The following DMD variants were observed in gnomAD, a reference collection of about 807,000 sequenced individuals.
DMD encodes the protein mutant dystrophin.
DMD carries 63 observed loss-of-function variants against 330.1 expected under a neutral mutation model. The ratio of observed to expected loss-of-function variants is 0.19; its 90% CI spans 0.16 to 0.24. DMD has a LOEUF of 0.24. DMD is among the 10% of genes least tolerant of loss of function. The pLI is 1.00. For synonymous variants in DMD, 1,223 were observed against 959.8 expected (o/e 1.27, Z -5.07); for missense variants, 3,344 against 2,684.1 (o/e 1.25, Z -5.43).
chrX:32,410,677 T>A (rs2098137994), intron 30 of DMD, among the ~76,000 whole-genome samples: 1 of 111,772 alleles, frequency 8.9e-6, no homozygotes, highest in Non-Finnish European at 1.9e-5. Context: ...TATATAAGAT[T>A]TGAAAAGCAG....
intron 48 of DMD, among the ~76,000 whole-genome samples, chrX:31,853,585 G>A (rs1358365518): frequency 9.0e-6 from 1 of 111,264 alleles, no homozygotes; most frequent in African/African-American, 3.3e-5. Context: ...GTGAGTAAAG[G>A]GTTAAAAACA....
At chrX:32,846,551 A>G (rs752985330) in intron 3 of DMD, among the ~76,000 whole-genome samples, 1 of 110,307 alleles carries the variant, frequency 9.1e-6, no homozygotes, top group South Asian at 3.9e-4. Flanking sequence ...ATAACACAGT[A>G]TTGACATCTT....
intron 62 of DMD, among the ~76,000 whole-genome samples, chrX:31,271,575 G>A (rs1028410511): frequency 9.0e-6 from 1 of 111,530 alleles, no homozygotes; most frequent in Non-Finnish European, 1.9e-5. Context: ...GGATGGTCCC[G>A]AGAGACTTCA....
At chrX:31,725,914 T>C (rs2086005627) in intron 52 of DMD, among the ~76,000 whole-genome samples, 1 of 112,544 alleles carries the variant, frequency 8.9e-6, no homozygotes, top group South Asian at 3.7e-4. Context: ...CCTTGCAGTA[T>C]TAACAGACAC....
intron 52 of DMD, among the ~76,000 whole-genome samples, chrX:31,710,133 T>C (rs1308694610): frequency 8.9e-6 from 1 of 111,853 alleles, no homozygotes; most frequent in Non-Finnish European, 1.9e-5. Context: ...CCAGTAATAC[T>C]AGAAATCTTT....
chrX:33,319,876 T>C (rs2053989711), intron 1 of DMD, among the ~76,000 whole-genome samples: 1 of 111,790 alleles, frequency 8.9e-6, no homozygotes, highest in Non-Finnish European at 1.9e-5. Context: ...TGTGGTGAAA[T>C]AGACTCTCCA....
intron 9 of DMD, among the ~76,000 whole-genome samples, chrX:32,681,707 A>G (rs983819841): frequency 1.8e-5 from 2 of 112,089 alleles, no homozygotes; most frequent in Non-Finnish European, 3.8e-5. Flanking sequence ...TTATGTACCT[A>G]GTATATATTC....
In DMD at chrX:32,452,333, G is replaced by T. The variant is rs189721633; in HGVS notation, c.3603+2329C>A. Among the ~76,000 whole-genome samples, 46 of 16,450 alleles carry T rather than the reference G, an allele frequency of 2.8e-3. 4 individuals carry two copies. The East Asian group carries it at 0.2, about 72-fold the overall frequency. 14.3% of individuals were successfully genotyped at this position (16,450 alleles called of 115,157 possible). ...AGTGAAAGTGAAAGTGAAAGTGAAA[G>T]TGAAAGGGAAAGGGAAAGGGAAAGG... On this transcript the variant is annotated intron_variant, in intron 26 of 78. Transcript: ENST00000357033.
chrX:33,122,252 A>G (rs1352331785), intron 1 of DMD, among the ~76,000 whole-genome samples: 1 of 112,348 alleles, frequency 8.9e-6, no homozygotes, highest in Non-Finnish European at 1.9e-5. Flanking sequence ...CAAACAAAAA[A>G]CAAAAAACAA....
chrX:31,171,221 A>T (rs1448995014), intron 73 of DMD, among the ~76,000 whole-genome samples: 2 of 112,111 alleles, frequency 1.8e-5, no homozygotes, highest in Non-Finnish European at 3.8e-5. Context: ...TGAAGGAAGT[A>T]AGTCATATAC....
At chrX:32,747,161 A>G (rs754731790) in intron 7 of DMD, among the ~76,000 whole-genome samples, 5 of 112,355 alleles carry the variant, frequency 4.5e-5, no homozygotes, top group Non-Finnish European at 9.4e-5. Context: ...GCCTCCAGAA[A>G]ATTCTGATGT....
At chrX:32,141,678 AAC>A (rs56858722) in intron 44 of DMD, among the ~76,000 whole-genome samples, 20,983 of 87,760 alleles carry the variant, frequency 0.24, 2,204 homozygotes, top group East Asian at 0.47. Flanking sequence ...TATAGAGTGC[AAC>A]ACACACACAC....
At chrX:32,866,723 TTG>T (rs2082511145) in intron 2 of DMD, among the ~76,000 whole-genome samples, 2 of 8,993 alleles carry the variant, frequency 2.2e-4, no homozygotes, top group Non-Finnish European at 3.7e-4. Flanking sequence ...ACACTTTTTT[TTG>T]GGGGGGGGTG....
chrX:32,997,340 G>T (rs753388432), intron 2 of DMD, among the ~76,000 whole-genome samples: 171 of 109,344 alleles, frequency 1.6e-3, no homozygotes, highest in African/African-American at 5.7e-3. Context: ...CCGCCTCCTG[G>T]GTTCAATCAA....
At chrX:31,166,895 A>G (rs1438661037) in intron 74 of DMD, among the ~76,000 whole-genome samples, 2 of 111,857 alleles carry the variant, frequency 1.8e-5, no homozygotes, top group Non-Finnish European at 3.8e-5. Context: ...TCAACCCCAG[A>G]GTCCTCATTT....
intron 1 of DMD, among the ~76,000 whole-genome samples, chrX:33,250,988 A>AT (rs2052763785): frequency 9.0e-6 from 1 of 110,832 alleles, no homozygotes; most frequent in African/African-American, 3.3e-5. Context: ...TCCTATATAT[A>AT]TTTTCTGGCT....
intron 49 of DMD, among the ~76,000 whole-genome samples, chrX:31,828,476 C>T (rs1339175477): frequency 9.1e-6 from 1 of 109,369 alleles, no homozygotes; most frequent in Non-Finnish European, 1.9e-5. Context: ...CCTGCCTGGC[C>T]AACACAGTGA....
chrX:32,741,531 G>C (rs2069268941), intron 7 of DMD, among the ~76,000 whole-genome samples: 1 of 111,516 alleles, frequency 9.0e-6, no homozygotes, highest in Non-Finnish European at 1.9e-5. Context: ...AACCTTATCT[G>C]TCTGCTGGAT....
intron 44 of DMD, among the ~76,000 whole-genome samples, chrX:32,163,983 C>G (rs1313954858): frequency 1.8e-5 from 2 of 111,678 alleles, no homozygotes; most frequent in African/African-American, 6.5e-5. Flanking sequence ...CTGGAATGCT[C>G]TTTCCCCAAA....
Sources: gnomAD v4.1 joint callset for allele counts (sites outside exome capture counted in the v4.1 genomes callset) on GRCh38, gnomAD v4.1.1 for gene constraint, MANE v1.5 for transcripts, NCBI Gene and HGNC (gene_info 2026-07-23, HGNC 2026-07-21) for gene names.